Variants in ASCC1 observed in about 807,000 individuals in gnomAD.
ASCC1 encodes ASC-1 complex subunit P50.
Under a neutral mutation model 46.6 loss-of-function variants are expected in ASCC1, and 35 were observed. The ratio of observed to expected loss-of-function variants is 0.75; its 90% CI spans 0.57 to 0.99. The LOEUF (loss-of-function observed/expected upper bound fraction) is 0.99, where lower values mean the gene tolerates loss of function less well. Among genes scored for constraint, ASCC1 ranks in the 50% least tolerant of loss-of-function variants. The pLI is 0.00. For synonymous variants in ASCC1, 143 were observed against 146.6 expected (o/e 0.98, Z 0.18); for missense variants, 376 against 428.7 (o/e 0.88, Z 1.09).
At chr10:72,216,106 G>A (rs1181896746) in intron 1 of ASCC1, 101 bp downstream of exon 1, 1 of 152,414 alleles carries the variant, frequency 6.6e-6, no homozygotes, top group African/African-American at 2.4e-5. Flanking sequence ...TCCTGGGGGT[G>A]GGGCTGTAGG....
At chr10:72,161,761 C>A (rs1329743223) in intron 5 of ASCC1, 87 bp from the exon 6 acceptor site, 22 of 1,508,280 alleles carry the variant, frequency 1.5e-5, no homozygotes, top group Non-Finnish European at 1.9e-5. Flanking sequence ...AATAAACCCA[C>A]ACACCTACAG....
At position 72,210,743 on chromosome 10, in the gene ASCC1, G is replaced by C; in HGVS notation, c.201C>G (p.Ser67Arg). 1.9e-6 allele frequency: 3 copies of C among 1,614,086 alleles called. No homozygotes were observed. Among genetic ancestry groups the C allele is most frequent in the African/African-American group, 1.3e-5 (1 of 75,042 alleles). Residue 67 changes from serine to arginine, a missense_variant, in exon 3 of 10, where the codon AGC becomes AGG. Coordinates refer to ENST00000672957, the MANE Select transcript of ASCC1 (RefSeq NM_001198800.3). ...QGFRSTLRAP[S>R]LLYKHIVGKR... ...GGGACATGACTCACTTATAGAGCAA[G>C]CTGGGGGCCCTCAAAGTAGACCGGA... is the stretch of plus-strand genomic sequence containing the variant.
At chr10:72,145,026 C>A (rs193271554) in intron 7 of ASCC1, among the ~76,000 whole-genome samples, 2 of 152,020 alleles carry the variant, frequency 1.3e-5, no homozygotes, top group East Asian at 3.8e-4. Flanking sequence ...TTATTTCATA[C>A]CTTTGTTGTT....
intron 8 of ASCC1, among the ~76,000 whole-genome samples, chr10:72,131,726 T>C (rs1845628849): frequency 6.6e-6 from 1 of 152,184 alleles, no homozygotes; most frequent in South Asian, 2.1e-4. Flanking sequence ...AATTATCAAA[T>C]GATTGCCAGT....
intron 6 of ASCC1, among the ~76,000 whole-genome samples, chr10:72,159,765 T>C (rs930715138): frequency 6.6e-6 from 1 of 152,206 alleles, no homozygotes; most frequent in Non-Finnish European, 1.5e-5. Flanking sequence ...GAAGTGTTCT[T>C]TGCTCTCTGA....
chr10:72,198,776 G>T (rs1052052621), intron 4 of ASCC1: 22 of 433,456 alleles, frequency 5.1e-5, no homozygotes, highest in South Asian at 3.5e-4. Context: ...AATACATTTG[G>T]TTTTTCTATA....
chr10:72,174,367 C>A (rs1851610161), intron 5 of ASCC1, among the ~76,000 whole-genome samples: 1 of 152,202 alleles, frequency 6.6e-6, no homozygotes, highest in Admixed American at 6.5e-5. Flanking sequence ...CTACACATAT[C>A]AAGCTTGGGG....
At chr10:72,109,596 T>C (rs941459382) in intron 9 of ASCC1, among the ~76,000 whole-genome samples, 1 of 152,142 alleles carries the variant, frequency 6.6e-6, no homozygotes, top group African/African-American at 2.4e-5. Flanking sequence ...CTTTGGGAAT[T>C]TGGCCTGAGG....
chr10:72,172,908 A>G (rs1182117026), intron 5 of ASCC1, among the ~76,000 whole-genome samples: 1 of 128,410 alleles, frequency 7.8e-6, no homozygotes, highest in Non-Finnish European at 1.6e-5. Flanking sequence ...ATTATATATT[A>G]TATTTTTATA....
chr10:72,151,933 C>T (rs554995978), intron 7 of ASCC1, among the ~76,000 whole-genome samples: 1 of 151,232 alleles, frequency 6.6e-6, no homozygotes, highest in Non-Finnish European at 1.5e-5. Context: ...TCGTGATCCG[C>T]CCACCTCAGT....
At chr10:72,181,659 A>T (rs188586683) in intron 5 of ASCC1, among the ~76,000 whole-genome samples, 5 of 152,046 alleles carry the variant, frequency 3.3e-5, no homozygotes, top group Admixed American at 3.3e-4. Context: ...ACGTCTGGAC[A>T]GAATCTCAGT....
At chr10:72,156,229 G>T (rs1041076509) in intron 6 of ASCC1, among the ~76,000 whole-genome samples, 2 of 152,164 alleles carry the variant, frequency 1.3e-5, no homozygotes, top group African/African-American at 4.8e-5. Context: ...TCTGTTGCTT[G>T]TTCCTGCTTC....
chr10:72,169,233 T>C (rs564350924), intron 5 of ASCC1, among the ~76,000 whole-genome samples: 2 of 152,260 alleles, frequency 1.3e-5, no homozygotes, highest in Admixed American at 1.3e-4. Context: ...GCAGATCACT[T>C]GAGACCAGCC....
intron 9 of ASCC1, among the ~76,000 whole-genome samples, chr10:72,114,741 G>C (rs1843315407): frequency 1.3e-5 from 2 of 152,044 alleles, no homozygotes; most frequent in African/African-American, 2.4e-5. Context: ...TTTATCTTGA[G>C]GGCCTATTAA....
chr10:72,122,151 C>A (rs368813780), intron 9 of ASCC1, among the ~76,000 whole-genome samples: 8 of 152,128 alleles, frequency 5.3e-5, no homozygotes, highest in African/African-American at 7.2e-5. Flanking sequence ...CCAGGCGCAG[C>A]GGCTCACGCC....
chr10:72,122,919 T>A (rs1223607796), intron 9 of ASCC1, among the ~76,000 whole-genome samples: 1 of 152,208 alleles, frequency 6.6e-6, no homozygotes, highest in East Asian at 1.9e-4. Context: ...AAATTTATAG[T>A]ATTTAGTGCA....
chr10:72,123,567 T>C (rs1320523224), intron 9 of ASCC1, among the ~76,000 whole-genome samples: 1 of 152,136 alleles, frequency 6.6e-6, no homozygotes, highest in East Asian at 1.9e-4. Flanking sequence ...TTCTGCTCAA[T>C]TTTGCTGTGA....
chr10:72,115,245 G>A (rs754928171), intron 9 of ASCC1, among the ~76,000 whole-genome samples: 5 of 152,294 alleles, frequency 3.3e-5, no homozygotes, highest in African/African-American at 9.6e-5. Flanking sequence ...GTAGAAAACA[G>A]TTCCAAAAAA....
intron 5 of ASCC1, among the ~76,000 whole-genome samples, chr10:72,186,094 T>C (rs906320493): frequency 1.3e-5 from 2 of 151,972 alleles, no homozygotes; most frequent in Admixed American, 6.6e-5. Flanking sequence ...GCTTCTAATG[T>C]ATGGACCTGA....
Sources: allele counts gnomAD v4.1 joint callset (sites outside exome capture counted in the v4.1 genomes callset), GRCh38; gene constraint gnomAD v4.1.1; transcripts MANE v1.5; gene names NCBI Gene and HGNC (gene_info 2026-07-23, HGNC 2026-07-21).